AUTS2: variants seen among roughly 807,000 people sequenced by gnomAD.
AUTS2 encodes autism susceptibility gene 2 protein.
A neutral mutation model predicts 112.4 loss-of-function variants in AUTS2; 17 were observed. The ratio of observed to expected loss-of-function variants is 0.15; its 90% CI spans 0.10 to 0.23. The LOEUF (loss-of-function observed/expected upper bound fraction) is 0.23. Ranked by LOEUF, AUTS2 falls within the 10% of genes least tolerant of loss-of-function variation. The probability of loss-of-function intolerance (pLI) is 1.00; values close to 1 mark genes in which losing one functional copy is unlikely to be tolerated. For synonymous variants in AUTS2, 751 were observed against 702.7 expected, an observed-to-expected ratio of 1.07 and a Z score of -1.09; for missense variants, 1,510 against 1,701.6, an observed-to-expected ratio of 0.89 and a Z score of 1.98.
At chr7:70,426,930 G>A (rs572382211) in intron 4 of AUTS2, among the ~76,000 whole-genome samples, 4 of 149,758 alleles carry the variant, frequency 2.7e-5, no homozygotes, top group African/African-American at 1.0e-4. Context: ...GCAAATTTGG[G>A]TTTTATTAGC....
chr7:70,465,670 T>A (rs1226202555), intron 5 of AUTS2, among the ~76,000 whole-genome samples: 1 of 152,166 alleles, frequency 6.6e-6, no homozygotes, highest in African/African-American at 2.4e-5. Flanking sequence ...TGGGAGGTCA[T>A]CAGGATTACC....
At chr7:69,724,588 G>T (rs769956661) in intron 1 of AUTS2, among the ~76,000 whole-genome samples, 9 of 152,184 alleles carry the variant, frequency 5.9e-5, no homozygotes, top group Non-Finnish European at 1.2e-4. Context: ...AGGATTCAAG[G>T]TTACAGAATT....
At chr7:70,101,184 T>C (rs1804472736) in intron 2 of AUTS2, among the ~76,000 whole-genome samples, 1 of 152,130 alleles carries the variant, frequency 6.6e-6, no homozygotes, top group Non-Finnish European at 1.5e-5. Context: ...GGCATATATT[T>C]GGTTTTAAGA....
chr7:70,514,570 A>C (rs184447525), intron 5 of AUTS2, among the ~76,000 whole-genome samples: 1 of 152,256 alleles, frequency 6.6e-6, no homozygotes, highest in African/African-American at 2.4e-5. Context: ...AAAGCCATTC[A>C]TGAGAGTTCC....
intron 2 of AUTS2, among the ~76,000 whole-genome samples, chr7:70,068,885 T>C (rs887280500): frequency 5.3e-5 from 8 of 152,226 alleles, no homozygotes; most frequent in African/African-American, 1.9e-4. Context: ...AGTATGACTT[T>C]CAGTCTGTGA....
chr7:70,242,839 AAAGAGAGC>A, intron 4 of AUTS2, among the ~76,000 whole-genome samples: 1 of 152,138 alleles, frequency 6.6e-6, no homozygotes, highest in Non-Finnish European at 1.5e-5. Context: ...AAGCAAAAAG[AAAGAGAGC>A]AAGAGAGGAA....
rs562332012 is a variant in AUTS2, at chr7:70,604,252, C to G, written c.691-94317C>G. 6.6e-5 allele frequency among the ~76,000 whole-genome samples: 10 copies of G among 152,312 alleles called. No homozygotes were observed. In the South Asian group the frequency reaches 2.1e-3, roughly 32 times the overall value. ...AAGCTTTGGTGACTGTCGCTTGGTT[C>G]CATTTTGTGCTCTCCTCCAGGCTGG... On this transcript the variant is annotated intron_variant, in intron 5 of 18. Coordinates refer to ENST00000342771, the MANE Select transcript of AUTS2 (RefSeq NM_015570.4).
intron 5 of AUTS2, among the ~76,000 whole-genome samples, chr7:70,575,263 C>T (rs1391105185): frequency 1.3e-5 from 2 of 152,178 alleles, no homozygotes; most frequent in Non-Finnish European, 2.9e-5. Context: ...CCAATGTCCA[C>T]TCGTTTCTGT....
At chr7:70,024,573 CTGTA>C (rs941878707) in intron 2 of AUTS2, among the ~76,000 whole-genome samples, 1 of 151,874 alleles carries the variant, frequency 6.6e-6, no homozygotes, top group Non-Finnish European at 1.5e-5. Flanking sequence ...TTTTGTTGAC[CTGTA>C]TGTGTGTTTT....
chr7:69,856,749 T>C (rs2129530920), intron 1 of AUTS2, among the ~76,000 whole-genome samples: 1 of 152,318 alleles, frequency 6.6e-6, no homozygotes, highest in African/African-American at 2.4e-5. Context: ...CAAGAAAATA[T>C]TAGCTAAATA....
chr7:70,335,474 G>A (rs1790946848), intron 4 of AUTS2, among the ~76,000 whole-genome samples: 2 of 152,182 alleles, frequency 1.3e-5, no homozygotes, highest in African/African-American at 4.8e-5. Flanking sequence ...ATACTTATCA[G>A]GGATGTGACT....
At position 70,346,369 on chromosome 7, in the gene AUTS2, G is replaced by A. The variant is rs187476895; in HGVS notation, c.661-89383G>A. 4.2e-3 allele frequency among the ~76,000 whole-genome samples: 644 copies of A among 152,302 alleles called. 5 individuals carry two copies. The highest frequency in any genetic ancestry group is 5.4e-3 in the Non-Finnish European group (370 of 68,032). ...CCTCACACAGGGATTGGCCATGAGA[G>A]AAGCTTTCAGTGCTGCGATCTGAGG... is the stretch of plus-strand genomic sequence containing the variant. On this transcript the variant is annotated intron_variant, in intron 4 of 18. Coordinates refer to ENST00000342771, the MANE Select transcript of AUTS2 (RefSeq NM_015570.4).
In AUTS2 at chr7:69,850,398, CAAAAAAAAAAAAAAAAAAAA is replaced by C. The variant is rs60553891; in HGVS notation, c.310-48870_310-48851del. Among the ~76,000 whole-genome samples the C allele has an allele frequency of 1.7e-3, 59 of 34,684 alleles. 1 individual carries two copies. The highest frequency in any genetic ancestry group is 3.8e-3 in the African/African-American group (44 of 11,616). 22.8% of individuals were successfully genotyped at this position (34,684 alleles called of 152,430 possible). ...TGGGCAACAGAGCGAAACTCTGTCT[CAAAAAAAAAAAAAAAAAAAA>C]AAAAAAAAAAAAAAAAAGTCAGACT... On this transcript the variant is annotated intron_variant, in intron 1 of 18. Transcript: ENST00000342771.
At chr7:69,882,579 G>A (rs189926384) in intron 1 of AUTS2, among the ~76,000 whole-genome samples, 18 of 152,134 alleles carry the variant, frequency 1.2e-4, no homozygotes, top group African/African-American at 4.3e-4. Context: ...GTGACCTTGG[G>A]AATATTAATT....
intron 3 of AUTS2, among the ~76,000 whole-genome samples, chr7:70,129,951 T>G (rs780768517): frequency 6.6e-6 from 1 of 151,856 alleles, no homozygotes; most frequent in Non-Finnish European, 1.5e-5. Flanking sequence ...ATTAGTAATC[T>G]TATCTCCAAG....
intron 6 of AUTS2, among the ~76,000 whole-genome samples, chr7:70,738,587 A>C (rs1300067021): frequency 3.3e-5 from 5 of 152,122 alleles, no homozygotes; most frequent in African/African-American, 1.2e-4. Context: ...CCTCTGCAGA[A>C]GCAGAGGCTG....
chr7:70,765,508 A>C (rs1665921618), intron 8 of AUTS2, among the ~76,000 whole-genome samples: 1 of 152,112 alleles, frequency 6.6e-6, no homozygotes, highest in Non-Finnish European at 1.5e-5. Flanking sequence ...CTCATGTTAG[A>C]CACAGGGTCC....
Position 70,086,364 on chromosome 7 carries a change from G to A in AUTS2, c.523-31768G>A, listed in dbSNP as rs138563872. Among the ~76,000 whole-genome samples, 16 of 152,034 alleles carry A rather than the reference G, an allele frequency of 1.1e-4. No homozygotes were observed. The East Asian group carries it at 1.2e-3, about 11-fold the overall frequency. On this transcript the variant is annotated intron_variant, in intron 2 of 18. Transcript: ENST00000342771. ...CTCTCAGAAAAGTTCTGCAGTGGCCGGGCACAATGGCTCACGCCTGTAATC... is the reference window on the plus strand; with the variant it reads ...CTCTCAGAAAAGTTCTGCAGTGGCCAGGCACAATGGCTCACGCCTGTAATC...
chr7:69,830,231 G>C (rs1038814869), intron 1 of AUTS2, among the ~76,000 whole-genome samples: 6 of 152,130 alleles, frequency 3.9e-5, no homozygotes, highest in African/African-American at 1.4e-4. Context: ...ACCAGGAGCA[G>C]TGTGGGAGGA....
Sources: gnomAD v4.1 joint callset for allele counts (sites outside exome capture counted in the v4.1 genomes callset) on GRCh38, gnomAD v4.1.1 for gene constraint, MANE v1.5 for transcripts, NCBI Gene and HGNC (gene_info 2026-07-23, HGNC 2026-07-21) for gene names.